Variants in ITPR1 observed in about 807,000 individuals in gnomAD.
The protein encoded by ITPR1 is inositol 1,4,5-trisphosphate-gated calcium channel ITPR1.
In ITPR1, 96 loss-of-function variants were observed where a neutral mutation model predicts 318.4. The ratio of observed to expected loss-of-function variants is 0.30; its 90% confidence interval spans 0.26 to 0.36. The LOEUF is 0.36. ITPR1 is among the 10% of genes least tolerant of loss of function. The pLI, the probability that ITPR1 is intolerant of heterozygous loss-of-function variation, is 1.00. For synonymous variants in ITPR1, 1,312 were observed against 1,289.9 expected (o/e 1.02, Z -0.37); for missense variants, 2,440 against 3,460.2 (o/e 0.71, Z 7.40).
chr3:4,738,913 C>T (rs1019574512), intron 44 of ITPR1, among the ~76,000 whole-genome samples: 5 of 151,888 alleles, frequency 3.3e-5, no homozygotes, highest in South Asian at 4.1e-4. Flanking sequence ...CGGGTGTGGC[C>T]GCACGCACAT....
rs1187652765 is a variant in ITPR1, at chr3:4,645,588, G to A, written c.715G>A (p.Val239Met). The change falls in exon 10 of 62, where the codon GTG (valine) becomes ATG (methionine). Residue 239 changes from valine (V) to methionine (M), a missense_variant. Coordinates refer to ENST00000649015, the MANE Select transcript of ITPR1 (RefSeq NM_001378452.1). ...NKDDILKGGD[V>M]VRLFHAEQEK... Reference sequence around the variant, plus strand: ...TTCTTGTGTTGACTGTCAGGGTGACGTGGTGAGGCTGTTTCATGCTGAGCA... The same window carrying A: ...TTCTTGTGTTGACTGTCAGGGTGACATGGTGAGGCTGTTTCATGCTGAGCA... 2 of 1,613,336 alleles carry A rather than the reference G, an allele frequency of 1.2e-6. No homozygotes were observed. Among genetic ancestry groups the A allele is most frequent in the South Asian group, 1.1e-5 (1 of 90,942 alleles).
intron 4 of ITPR1, among the ~76,000 whole-genome samples, chr3:4,569,321 T>C (rs1253946648): frequency 6.6e-6 from 1 of 152,240 alleles, no homozygotes; most frequent in Non-Finnish European, 1.5e-5. Context: ...ATATAAAATA[T>C]AAAATTTGAT....
chr3:4,493,477 A>T lies in ITPR1; in HGVS notation c.-221A>T, dbSNP rs1458902662. On this transcript the variant is annotated 5_prime_UTR_variant, in exon 1 of 62. Coordinates refer to ENST00000649015, the MANE Select transcript of ITPR1 (RefSeq NM_001378452.1). ...GAGAGAGAAAGCGCACGCCGAGAGG[A>T]GGTGTGGGTGTTCCGCTTCCATCCT... is the stretch of plus-strand genomic sequence containing the variant. 6.5e-6 allele frequency: 1 copy of T among 153,636 alleles called. No individual in the cohort carries two copies. Among genetic ancestry groups the T allele is most frequent in the African/African-American group, 2.4e-5 (1 of 41,330 alleles). 9.5% of individuals were successfully genotyped at this position (153,636 alleles called of 1,614,324 possible).
At chr3:4,637,758 C>T (rs1381701911) in intron 5 of ITPR1, among the ~76,000 whole-genome samples, 1 of 152,128 alleles carries the variant, frequency 6.6e-6, no homozygotes, top group Non-Finnish European at 1.5e-5. Context: ...TCTGGCAGTT[C>T]ATTTTTCTCA....
chr3:4,815,585 C>A (rs574024778), intron 59 of ITPR1, among the ~76,000 whole-genome samples: 2 of 152,224 alleles, frequency 1.3e-5, no homozygotes, highest in South Asian at 4.2e-4. Context: ...ACACTCCTAG[C>A]TAGAACCTGG....
intron 3 of ITPR1, among the ~76,000 whole-genome samples, chr3:4,519,895 G>C (rs1220398178): frequency 6.6e-6 from 1 of 152,168 alleles, no homozygotes; most frequent in Non-Finnish European, 1.5e-5. Context: ...GACAGAGAAG[G>C]AGAGGCAGAG....
chr3:4,838,172 G>A (rs367543932), intron 61 of ITPR1, among the ~76,000 whole-genome samples: 14 of 151,760 alleles, frequency 9.2e-5, no homozygotes, highest in African/African-American at 1.5e-4. Flanking sequence ...CTTTTCTTTC[G>A]TCTGTATTAA....
intron 2 of ITPR1, among the ~76,000 whole-genome samples, chr3:4,495,967 C>T (rs2080528763): frequency 6.6e-6 from 1 of 152,070 alleles, no homozygotes; most frequent in African/African-American, 2.4e-5. Context: ...AAGGATGTAG[C>T]CACAAACATA....
intron 60 of ITPR1, among the ~76,000 whole-genome samples, chr3:4,834,526 C>T (rs1427999210): frequency 6.6e-6 from 1 of 152,178 alleles, no homozygotes; most frequent in Non-Finnish European, 1.5e-5. Flanking sequence ...CCCACGTCAT[C>T]CCTCCTCCCC....
intron 4 of ITPR1, among the ~76,000 whole-genome samples, chr3:4,532,002 G>T (rs940914159): frequency 6.6e-6 from 1 of 152,186 alleles, no homozygotes; most frequent in Non-Finnish European, 1.5e-5. Context: ...ACCTCACAGG[G>T]TTTTCATGAG....
At chr3:4,694,212 G>A (rs559851620) in intron 33 of ITPR1, among the ~76,000 whole-genome samples, 5 of 150,930 alleles carry the variant, frequency 3.3e-5, no homozygotes, top group Admixed American at 3.3e-4. Context: ...CCTAAGTTTT[G>A]AAGTTAATCC....
intron 47 of ITPR1, 35 bp from the exon 48 acceptor site, chr3:4,777,229 C>A: frequency 1.6e-6 from 2 of 1,285,458 alleles, no homozygotes; most frequent in Non-Finnish European, 2.2e-6. Flanking sequence ...TTATGACCAG[C>A]GTTTGTGTGA....
At chr3:4,811,607 T>C in intron 56 of ITPR1, 147 bp downstream of exon 56, 2 of 641,166 alleles carry the variant, frequency 3.1e-6, no homozygotes, top group South Asian at 4.4e-5. Flanking sequence ...AATACAGGTC[T>C]TCATTCTCAC....
At chr3:4,714,269 G>A (rs1001786491) in intron 39 of ITPR1, among the ~76,000 whole-genome samples, 1 of 152,160 alleles carries the variant, frequency 6.6e-6, no homozygotes, top group African/African-American at 2.4e-5. Flanking sequence ...TATAATAAAT[G>A]AGGTGTTCTT....
intron 53 of ITPR1, 98 bp from the exon 54 acceptor site, chr3:4,800,327 A>C: frequency 1.5e-6 from 2 of 1,311,684 alleles, no homozygotes; most frequent in East Asian, 2.4e-5. Flanking sequence ...TAAGCCAAAA[A>C]AGTTATTGAG....
intron 40 of ITPR1, among the ~76,000 whole-genome samples, chr3:4,725,294 T>C (rs1407163816): frequency 6.6e-6 from 1 of 152,124 alleles, no homozygotes; most frequent in East Asian, 1.9e-4. Flanking sequence ...CTTTTTTTGT[T>C]TCTTTCTTAT....
chr3:4,727,253 A>AT, intron 42 of ITPR1, 80 bp downstream of exon 42: 1 of 1,005,830 alleles, frequency 9.9e-7, no homozygotes, highest in Non-Finnish European at 1.5e-6. Context: ...ACTGTGATTG[A>AT]GAGACAGCTT....
Position 4,717,414 on chromosome 3 carries a change from G to T in ITPR1, c.5136+15G>T, listed in dbSNP as rs1266178023. ...ATAATGCTGAGGTCCTAATTTTGTT[G>T]TTTTTTGTTTTTCATGTCTCATGGT... On this transcript the variant is annotated intron_variant, in intron 40 of 61. Coordinates refer to ENST00000649015, the MANE Select transcript of ITPR1 (RefSeq NM_001378452.1). The T allele has an allele frequency of 4.4e-6, 7 of 1,589,080 alleles. No individual in the cohort carries two copies. In the African/African-American group the frequency reaches 6.7e-5, roughly 15 times the overall value.
chr3:4,688,658 G>T, intron 31 of ITPR1, 38 bp downstream of exon 31: 1 of 1,592,314 alleles, frequency 6.3e-7, no homozygotes, highest in Non-Finnish European at 8.6e-7. Flanking sequence ...TATAGAGGGA[G>T]GAGGGCAGGG....
Sources: allele counts gnomAD v4.1 joint callset (sites outside exome capture counted in the v4.1 genomes callset), GRCh38; gene constraint gnomAD v4.1.1; transcripts MANE v1.5; gene names NCBI Gene and HGNC (gene_info 2026-07-23, HGNC 2026-07-21).